The following TBC1D2B variants were observed in gnomAD, a reference collection of about 807,000 sequenced individuals.
The protein encoded by TBC1D2B is TBC1 domain family member 2B, also known as TBC1 domain family, member 2B.
A neutral mutation model predicts 100.8 loss-of-function variants in TBC1D2B; 64 were observed. The ratio of observed to expected loss-of-function variants is 0.64; its 90% CI spans 0.52 to 0.78. TBC1D2B has a LOEUF of 0.78. Among genes scored for constraint, TBC1D2B ranks in the 30% least tolerant of loss-of-function variants. The pLI is 0.00. For synonymous variants in TBC1D2B, 480 were observed against 479.7 expected, an observed-to-expected ratio of 1.00 and a Z score of -0.01; for missense variants, 1,052 against 1,218.4, an observed-to-expected ratio of 0.86 and a Z score of 2.03.
intron 1 of TBC1D2B, among the ~76,000 whole-genome samples, chr15:78,065,749 C>A (rs2073642680): frequency 6.6e-6 from 1 of 152,044 alleles, no homozygotes; most frequent in African/African-American, 2.4e-5. Flanking sequence ...TCAACTAAAA[C>A]TAGGGCAAAA....
intron 10 of TBC1D2B, among the ~76,000 whole-genome samples, chr15:78,006,946 C>A (rs2072083116): frequency 6.6e-6 from 1 of 152,258 alleles, no homozygotes; most frequent in Non-Finnish European, 1.5e-5. Flanking sequence ...GACAAGCAGG[C>A]ACACAAGGAT....
At chr15:78,055,780 C>A (rs1033348224) in intron 1 of TBC1D2B, among the ~76,000 whole-genome samples, 4 of 152,166 alleles carry the variant, frequency 2.6e-5, no homozygotes, top group African/African-American at 9.7e-5. Context: ...TTCATTTAAC[C>A]AACATTTGCT....
At chr15:78,077,120 T>G (rs1335273723) in intron 1 of TBC1D2B, among the ~76,000 whole-genome samples, 173 bp downstream of exon 1, 1 of 151,966 alleles carries the variant, frequency 6.6e-6, no homozygotes, top group Non-Finnish European at 1.5e-5. Context: ...TAAGCCCAGA[T>G]AGTGGGGAGG....
chr15:78,001,827 TGGGGACAG>T, intron 11 of TBC1D2B, 87 bp from the exon 12 acceptor site: 2 of 1,459,390 alleles, frequency 1.4e-6, no homozygotes, highest in Non-Finnish European at 1.8e-6. Flanking sequence ...CTGGCCCTAC[TGGGGACAG>T]GGGGACATGG....
chr15:77,998,141 A>G lies in TBC1D2B; in HGVS notation c.*19T>C. ...ACACTTTGGTTGTGAAGGAAGGAAG[A>G]GCAGCATCCCGAGCCCACTCAGGTA... On this transcript the variant is annotated 3_prime_UTR_variant, in exon 13 of 13. Coordinates refer to ENST00000300584, the MANE Select transcript of TBC1D2B (RefSeq NM_144572.2). The G allele has an allele frequency of 6.7e-7, 1 of 1,492,650 alleles. No individual in the cohort carries two copies. Among genetic ancestry groups the G allele is most frequent in the Non-Finnish European group, 9.0e-7 (1 of 1,116,404 alleles). 92.5% of individuals were successfully genotyped at this position (1,492,650 alleles called of 1,614,324 possible). A position where few individuals can be genotyped will look rare whatever the true frequency, so the allele number is the denominator to read the frequency against.
rs750665936 is a variant in TBC1D2B, at chr15:78,013,174, T to C, written c.1919A>G (p.Tyr640Cys). Residue 640 changes from tyrosine (Y) to cysteine (C), a missense_variant, in exon 9 of 13, where the codon TAT becomes TGT. This residue lies in a region of TBC1D2B where 373 missense variants were observed against 464.9 expected (regional missense o/e 0.80). Transcript: ENST00000300584. ...EVSTGVKWEN[Y>C]FASTVNREMM... ...CTCCCTGTTCACTGTACTTGCAAAA[T>C]AGTTTTCCCACTTGACCCCAGTGGA... The C allele has an allele frequency of 1.3e-5, 21 of 1,613,818 alleles. No homozygotes were observed. The highest frequency in any genetic ancestry group is 6.6e-5 in the South Asian group (6 of 91,080).
intron 6 of TBC1D2B, among the ~76,000 whole-genome samples, chr15:78,019,699 C>T (rs951027158): frequency 2.7e-5 from 4 of 150,566 alleles, no homozygotes; most frequent in African/African-American, 9.7e-5. Context: ...ACCAGCCTGG[C>T]TAACATGGCG....
Position 78,001,599 on chromosome 15 carries a change from G to T in TBC1D2B, c.2696+20C>A. On this transcript the variant is annotated intron_variant, in intron 12 of 12. Transcript: ENST00000300584. Reference sequence around the variant, plus strand: ...AGGCTTCCTGCTCTCCTTGACATCTGAGAACTCCCCAGGACTCACCTAGCA... The same window carrying T: ...AGGCTTCCTGCTCTCCTTGACATCTTAGAACTCCCCAGGACTCACCTAGCA... 6.3e-7 allele frequency: 1 copy of T among 1,598,360 alleles called. No individual in the cohort carries two copies. The highest frequency in any genetic ancestry group is 1.1e-5 in the South Asian group (1 of 88,246).
intron 1 of TBC1D2B, among the ~76,000 whole-genome samples, chr15:78,064,390 G>A (rs1440696490): frequency 6.6e-6 from 1 of 152,174 alleles, no homozygotes; most frequent in South Asian, 2.1e-4. Flanking sequence ...GCCACAGGAA[G>A]GAAAATATAT....
chr15:78,067,609 G>C (rs1306559455), intron 1 of TBC1D2B, among the ~76,000 whole-genome samples: 2 of 152,214 alleles, frequency 1.3e-5, no homozygotes, highest in Non-Finnish European at 2.9e-5. Context: ...CTGACACTCA[G>C]CAACACAAGT....
intron 2 of TBC1D2B, 109 bp from the exon 3 acceptor site, chr15:78,045,177 A>G (rs1025195758): frequency 4.0e-6 from 4 of 993,684 alleles, no homozygotes; most frequent in Non-Finnish European, 5.7e-6. Flanking sequence ...AAACTATGTA[A>G]TAGTATATTT....
chr15:78,022,603 G>A (rs1169519976), intron 6 of TBC1D2B, among the ~76,000 whole-genome samples: 1 of 151,946 alleles, frequency 6.6e-6, no homozygotes, highest in Non-Finnish European at 1.5e-5. Flanking sequence ...GGAGTGTGGT[G>A]TGAGGATCTC....
rs773017981 is a variant in TBC1D2B at position 78,001,638 on chromosome 15, G to A, written c.2677C>T (p.Arg893Cys). The change falls in exon 12 of 13, where the codon CGC becomes TGC. Residue 893 changes from arginine to cysteine, a missense_variant. Physicochemically the swap from Arg to Cys is radical, Grantham distance 180. Transcript: ENST00000300584. The stretch of plus-strand genomic sequence containing the variant: ...ACTCACCTAGCATCAAGGATAGTGC[G>A]AGTGAAGTAGCGGAGATACTTAAAT... ...SIFKYLRYFT[R>C]TILDARKLIS... 4.3e-6 allele frequency: 7 copies of A among 1,609,220 alleles called. No individual in the cohort carries two copies. Among genetic ancestry groups the A allele is most frequent in the South Asian group, 2.2e-5 (2 of 89,878 alleles).
intron 8 of TBC1D2B, among the ~76,000 whole-genome samples, chr15:78,014,205 C>T (rs2072309735): frequency 6.6e-6 from 1 of 152,176 alleles, no homozygotes; most frequent in South Asian, 2.1e-4. Flanking sequence ...GGATTTTAAT[C>T]CAATGAGACC....
At chr15:78,022,152 A>G (rs2072532029) in intron 6 of TBC1D2B, among the ~76,000 whole-genome samples, 1 of 152,222 alleles carries the variant, frequency 6.6e-6, no homozygotes, top group Admixed American at 6.5e-5. Context: ...TGAGCTCAGG[A>G]GTTCAAGACT....
intron 6 of TBC1D2B, among the ~76,000 whole-genome samples, chr15:78,019,966 T>G (rs1400571810): frequency 6.6e-6 from 1 of 151,526 alleles, no homozygotes; most frequent in East Asian, 1.9e-4. Flanking sequence ...CATAGCTCAC[T>G]GCAGCCTCGA....
intron 2 of TBC1D2B, among the ~76,000 whole-genome samples, chr15:78,051,884 T>C (rs1488249609): frequency 3.3e-5 from 5 of 152,228 alleles, no homozygotes; most frequent in African/African-American, 1.2e-4. Flanking sequence ...TTTAGATTTT[T>C]TGACTTCCTG....
chr15:78,008,941 A>T, intron 10 of TBC1D2B, 56 bp downstream of exon 10: 2 of 1,260,410 alleles, frequency 1.6e-6, no homozygotes, highest in Non-Finnish European at 2.3e-6. Context: ...AATTCAGGTC[A>T]CATTTCAGCT....
At chr15:78,036,478 C>G (rs181839140) in intron 3 of TBC1D2B, among the ~76,000 whole-genome samples, 1 of 152,088 alleles carries the variant, frequency 6.6e-6, no homozygotes, top group Admixed American at 6.6e-5. Context: ...GGATTAACAC[C>G]GTTATCTGGG....
Sources: gnomAD v4.1 joint callset for allele counts (sites outside exome capture counted in the v4.1 genomes callset) on GRCh38, gnomAD v4.1.1 for gene constraint, gnomAD v4.1.1 regional missense constraint, MANE v1.5 for transcripts, NCBI Gene and HGNC (gene_info 2026-07-23, HGNC 2026-07-21) for gene names.